LMBRD1: variants seen among roughly 807,000 people sequenced by gnomAD.
LMBRD1 encodes the protein LMBR1 domain containing 1.
LMBRD1 carries 64 observed loss-of-function variants against 74.8 expected under a neutral mutation model. The ratio of observed to expected loss-of-function variants is 0.86; its 90% CI spans 0.70 to 1.05. LMBRD1 has a LOEUF of 1.05. Among genes scored for constraint, LMBRD1 ranks in the 50% least tolerant of loss-of-function variants. The pLI, the probability that LMBRD1 is intolerant of heterozygous loss-of-function variation, is 0.00. For synonymous variants in LMBRD1, 204 were observed against 216.3 expected, an observed-to-expected ratio of 0.94 and a Z score of 0.50; for missense variants, 652 against 645.9, an observed-to-expected ratio of 1.01 and a Z score of -0.10.
At chr6:69,719,103 T>C (rs1207850657) in intron 7 of LMBRD1, 22 bp from the exon 8 acceptor site, 2 of 1,606,814 alleles carry the variant, frequency 1.2e-6, no homozygotes, top group Non-Finnish European at 1.7e-6. Context: ...ACAATTGAAA[T>C]GTTTTAGAAA....
At chr6:69,757,288 T>C (rs1765286916) in intron 3 of LMBRD1, among the ~76,000 whole-genome samples, 1 of 152,146 alleles carries the variant, frequency 6.6e-6, no homozygotes, top group South Asian at 2.1e-4. Context: ...GGGGCAGCTA[T>C]TGACTTAAAA....
intron 7 of LMBRD1, among the ~76,000 whole-genome samples, chr6:69,729,143 C>T (rs1158050878): frequency 1.3e-5 from 2 of 150,372 alleles, no homozygotes; most frequent in East Asian, 3.9e-4. Context: ...TCTTAAAACA[C>T]TACAATTTTA....
rs1212062178 is a variant in LMBRD1 at position 69,675,387 on chromosome 6, C to T, written c.*771G>A. 6.6e-6 allele frequency among the ~76,000 whole-genome samples: 1 copy of T among 152,084 alleles called. No individual in the cohort carries two copies. The highest frequency in any genetic ancestry group is 2.4e-5 in the African/African-American group (1 of 41,418). ...AAATCTTTAGAATGAAAAATTATCT[C>T]TAAAACCAAAATATGATGCCATATA... On this transcript the variant is annotated 3_prime_UTR_variant, in exon 16 of 16. Transcript: ENST00000649934.
chr6:69,719,035 C>T lies in LMBRD1; in HGVS notation c.683G>A (p.Arg228Lys), dbSNP rs1422838900. The part of the protein sequence containing the change: ...ALPLNLIKGT[R>K]SAAYERLENT... ...TTCCAAACGTTCATAAGCAGCGCTT[C>T]TAGTGCCTTTTATCAGATTTAAAGG... The change falls in exon 8 of 16, where the codon AGA becomes AAA. Residue 228 changes from arginine to lysine, a missense_variant. By Grantham distance (26) the Arg-to-Lys change is conservative. Transcript: ENST00000649934. 3 of 1,613,074 alleles carry T rather than the reference C, an allele frequency of 1.9e-6. No individual in the cohort carries two copies. The South Asian group carries it at 3.3e-5, about 18-fold the overall frequency.
At chr6:69,754,822 A>G (rs1765235748) in intron 3 of LMBRD1, among the ~76,000 whole-genome samples, 1 of 152,260 alleles carries the variant, frequency 6.6e-6, no homozygotes, top group African/African-American at 2.4e-5. Context: ...TGCAGCCAAC[A>G]AACATATGAA....
chr6:69,789,871 G>C (rs1766039907), intron 2 of LMBRD1, among the ~76,000 whole-genome samples: 2 of 152,202 alleles, frequency 1.3e-5, no homozygotes, highest in African/African-American at 2.4e-5. Context: ...AGACAGTTAA[G>C]GGTCAAGACT....
At chr6:69,743,058 G>A (rs957784213) in intron 5 of LMBRD1, among the ~76,000 whole-genome samples, 4 of 152,072 alleles carry the variant, frequency 2.6e-5, no homozygotes, top group Non-Finnish European at 5.9e-5. Flanking sequence ...TGAAAGCAGA[G>A]GTGTGGAATC....
chr6:69,744,370 T>C (rs1224867439), intron 5 of LMBRD1, among the ~76,000 whole-genome samples: 1 of 152,214 alleles, frequency 6.6e-6, no homozygotes, highest in Non-Finnish European at 1.5e-5. Flanking sequence ...AGGTCTGATT[T>C]TTCACCAAAA....
intron 2 of LMBRD1, among the ~76,000 whole-genome samples, chr6:69,781,517 TTC>T (rs1172786175): frequency 6.6e-6 from 1 of 152,174 alleles, no homozygotes; most frequent in Non-Finnish European, 1.5e-5. Flanking sequence ...GATTTTTCTT[TTC>T]TCTTTTTTTT....
chr6:69,688,907 A>G (rs1765822740), intron 14 of LMBRD1, among the ~76,000 whole-genome samples: 2 of 152,068 alleles, frequency 1.3e-5, no homozygotes, highest in African/African-American at 4.8e-5. Context: ...TTAGATCATT[A>G]CCTTGTATGT....
intron 7 of LMBRD1, among the ~76,000 whole-genome samples, chr6:69,724,464 G>A (rs913300741): frequency 4.5e-4 from 64 of 141,812 alleles, no homozygotes; most frequent in African/African-American, 1.5e-3. Context: ...ATGACCAAGT[G>A]GGATTTATCC....
At chr6:69,713,174 T>C (rs1766419062) in intron 9 of LMBRD1, among the ~76,000 whole-genome samples, 1 of 151,912 alleles carries the variant, frequency 6.6e-6, no homozygotes, top group Admixed American at 6.6e-5. Context: ...GAATACATAC[T>C]AAGGAAAGGA....
chr6:69,706,271 T>C, intron 9 of LMBRD1: 1 of 238,940 alleles, frequency 4.2e-6, no homozygotes, highest in South Asian at 7.2e-5. Flanking sequence ...ATCTCTATTT[T>C]AAAGGTATCC....
intron 7 of LMBRD1, among the ~76,000 whole-genome samples, chr6:69,730,315 G>T (rs930063857): frequency 2.0e-5 from 3 of 151,990 alleles, no homozygotes; most frequent in Admixed American, 6.6e-5. Context: ...ATTGTAAAGG[G>T]TCAACACTAA....
At chr6:69,700,592 C>T (rs989899061) in intron 12 of LMBRD1, among the ~76,000 whole-genome samples, 173 bp downstream of exon 12, 2 of 151,688 alleles carry the variant, frequency 1.3e-5, no homozygotes, top group African/African-American at 4.8e-5. Flanking sequence ...CATTTAAGAA[C>T]CACTGCTCTA....
chr6:69,716,665 T>C lies in LMBRD1; in HGVS notation c.762+2291A>G, dbSNP rs1328649675. Among the ~76,000 whole-genome samples the C allele has an allele frequency of 2.6e-5, 4 of 152,168 alleles. No individual in the cohort carries two copies. In the East Asian group the frequency reaches 7.7e-4, roughly 29 times the overall value. On this transcript the variant is annotated intron_variant, in intron 8 of 15. Transcript: ENST00000649934. ...CATATAGATTTATAAATATATCTCA[T>C]TCCTTTTCATCATTGCACATTACAA...
intron 2 of LMBRD1, among the ~76,000 whole-genome samples, chr6:69,786,520 T>C (rs894991358): frequency 6.6e-6 from 1 of 151,660 alleles, no homozygotes; most frequent in Admixed American, 6.6e-5. Flanking sequence ...GTATATTTCA[T>C]GTATATCCCC....
chr6:69,738,142 G>A (rs1767015716), intron 6 of LMBRD1, 127 bp from the exon 7 acceptor site: 9 of 643,072 alleles, frequency 1.4e-5, no homozygotes, highest in South Asian at 1.3e-4. Context: ...ATGTATTACC[G>A]TATTCTTGAA....
chr6:69,715,785 C>T (rs184793172), intron 8 of LMBRD1, among the ~76,000 whole-genome samples: 1 of 152,226 alleles, frequency 6.6e-6, no homozygotes, highest in East Asian at 1.9e-4. Flanking sequence ...ACCCTCTGCC[C>T]TCCAGTGGGC....
Sources: gnomAD v4.1 joint callset for allele counts (sites outside exome capture counted in the v4.1 genomes callset) on GRCh38, gnomAD v4.1.1 for gene constraint, MANE v1.5 for transcripts, NCBI Gene and HGNC (gene_info 2026-07-23, HGNC 2026-07-21) for gene names.